Variants in NKAIN2 observed in about 807,000 individuals in gnomAD.
NKAIN2 encodes the protein sodium/potassium-transporting ATPase subunit beta-1-interacting protein 2.
In NKAIN2, 14 loss-of-function variants were observed where a neutral mutation model predicts 32.6. That is an observed-to-expected ratio of 0.43 (90% CI 0.28 to 0.67). NKAIN2 has a LOEUF of 0.67. Among genes scored for constraint, NKAIN2 ranks in the 30% least tolerant of loss-of-function variants. NKAIN2 has a pLI of 0.17. For missense variants in NKAIN2, 198 were observed against 258.3 expected (o/e 0.77, Z 1.60); for synonymous variants, 80 against 87.2 (o/e 0.92, Z 0.46).
chr6:124,663,963 G>A, intron 4 of NKAIN2, among the ~76,000 whole-genome samples: 1 of 152,072 alleles, frequency 6.6e-6, no homozygotes. Context: ...CCTAGAAATT[G>A]AATCGTCCTT....
At chr6:124,764,173 T>A (rs1044792917) in intron 4 of NKAIN2, among the ~76,000 whole-genome samples, 1 of 152,222 alleles carries the variant, frequency 6.6e-6, no homozygotes, top group Admixed American at 6.5e-5. Context: ...AGAAAATAAT[T>A]GCATATTTTA....
At chr6:124,713,527 A>C (rs141449118) in intron 4 of NKAIN2, among the ~76,000 whole-genome samples, 4 of 152,142 alleles carry the variant, frequency 2.6e-5, no homozygotes, top group African/African-American at 9.7e-5. Context: ...ATTCCAAATA[A>C]TGGAGGGGGT....
At chr6:124,235,493 CAGAT>C (rs1456910355) in intron 1 of NKAIN2, among the ~76,000 whole-genome samples, 1 of 151,994 alleles carries the variant, frequency 6.6e-6, no homozygotes, top group African/African-American at 2.4e-5. Context: ...TAACTTATGA[CAGAT>C]GGAGAGCTGC....
At chr6:124,365,532 A>C (rs1255667331) in intron 3 of NKAIN2, among the ~76,000 whole-genome samples, 1 of 151,982 alleles carries the variant, frequency 6.6e-6, no homozygotes, top group Non-Finnish European at 1.5e-5. Context: ...GCTTCAAAGT[A>C]TATGAAGTAA....
intron 1 of NKAIN2, among the ~76,000 whole-genome samples, chr6:123,920,619 CA>C (rs1775708176): frequency 6.6e-6 from 1 of 151,982 alleles, no homozygotes; most frequent in Non-Finnish European, 1.5e-5. Flanking sequence ...TTGTTTTGTC[CA>C]CTATATCACA....
At chr6:123,942,653 T>G (rs1276321534) in intron 1 of NKAIN2, among the ~76,000 whole-genome samples, 1 of 152,022 alleles carries the variant, frequency 6.6e-6, no homozygotes, top group Non-Finnish European at 1.5e-5. Flanking sequence ...ATATTTTTGT[T>G]GGCCAAAGCT....
chr6:124,081,161 T>C (rs1245321331), intron 1 of NKAIN2, among the ~76,000 whole-genome samples: 1 of 152,150 alleles, frequency 6.6e-6, no homozygotes, highest in East Asian at 1.9e-4. Context: ...GATTTTTGTC[T>C]GCCACAGGAA....
intron 1 of NKAIN2, among the ~76,000 whole-genome samples, chr6:123,830,358 C>T (rs958325281): frequency 6.6e-6 from 1 of 152,110 alleles, no homozygotes; most frequent in Non-Finnish European, 1.5e-5. Context: ...TTGCTCTAGG[C>T]GTAAAGGCAA....
At chr6:124,689,020 TAA>T (rs1481029028) in intron 4 of NKAIN2, among the ~76,000 whole-genome samples, 6 of 152,144 alleles carry the variant, frequency 3.9e-5, no homozygotes, top group Non-Finnish European at 8.8e-5. Flanking sequence ...GTTCATTTGG[TAA>T]GAGTGTATTT....
chr6:124,685,815 G>T (rs181360327), intron 4 of NKAIN2, among the ~76,000 whole-genome samples: 2 of 152,260 alleles, frequency 1.3e-5, no homozygotes, highest in African/African-American at 4.8e-5. Context: ...CTTCATGTCT[G>T]TATTAGTTAT....
intron 1 of NKAIN2, among the ~76,000 whole-genome samples, chr6:124,095,764 C>T (rs1019445028): frequency 2.0e-5 from 3 of 152,078 alleles, no homozygotes; most frequent in South Asian, 2.1e-4. Flanking sequence ...TAATATAATA[C>T]GAAGTGATCA....
chr6:123,933,701 G>T (rs1024782066), intron 1 of NKAIN2, among the ~76,000 whole-genome samples: 2 of 152,178 alleles, frequency 1.3e-5, no homozygotes, highest in African/African-American at 4.8e-5. Flanking sequence ...AAGCAATTCT[G>T]GTTCAAGCAG....
intron 3 of NKAIN2, among the ~76,000 whole-genome samples, chr6:124,495,505 T>G (rs1209763730): frequency 6.6e-6 from 1 of 152,008 alleles, no homozygotes; most frequent in East Asian, 1.9e-4. Context: ...AAACTCTCAC[T>G]GAGCAAATAG....
chr6:124,411,602 G>A (rs1421319781), intron 3 of NKAIN2, among the ~76,000 whole-genome samples: 4 of 152,208 alleles, frequency 2.6e-5, no homozygotes, highest in African/African-American at 9.7e-5. Context: ...TTTCTCTCTG[G>A]CTGCCCTTAA....
intron 1 of NKAIN2, among the ~76,000 whole-genome samples, chr6:123,977,971 G>T (rs1778715067): frequency 6.6e-6 from 1 of 152,112 alleles, no homozygotes; most frequent in African/African-American, 2.4e-5. Flanking sequence ...TACAAAGCTA[G>T]ATGAGCATGA....
chr6:124,114,659 A>G (rs1964868), intron 1 of NKAIN2, among the ~76,000 whole-genome samples: 9,734 of 152,100 alleles, frequency 0.064, 762 homozygotes, highest in African/African-American at 0.17. Flanking sequence ...AAGAAACCAG[A>G]AAAAGATTTT....
At position 123,976,348 on chromosome 6, in the gene NKAIN2, C is replaced by CATATATATATATGTTCCCAT. The variant is rs1562287573; in HGVS notation, c.54+172106_54+172107insGTTCCCATATATATATATAT. Among the ~76,000 whole-genome samples, 128 of 13,644 alleles carry CATATATATATATGTTCCCAT rather than the reference C, an allele frequency of 9.4e-3. 3 individuals carry two copies. The highest frequency in any genetic ancestry group is 0.016 in the Non-Finnish European group (103 of 6,582). 9.0% of individuals were successfully genotyped at this position (13,644 alleles called of 152,430 possible). ...ATGTTCCCATATATATATATGTTCCCATATATATATATATATATATTCCCA... is the reference window on the plus strand; with the variant it reads ...ATGTTCCCATATATATATATGTTCCCATATATATATATGTTCCCATATATATATATATATATATATTCCCA... On this transcript the variant is annotated intron_variant, in intron 1 of 6. Coordinates refer to ENST00000368417, the MANE Select transcript of NKAIN2 (RefSeq NM_001040214.3).
intron 1 of NKAIN2, among the ~76,000 whole-genome samples, chr6:123,853,468 A>G (rs985947195): frequency 3.9e-5 from 6 of 152,216 alleles, no homozygotes; most frequent in African/African-American, 7.2e-5. Flanking sequence ...CATTCTACAA[A>G]CATTTATTAT....
intron 1 of NKAIN2, among the ~76,000 whole-genome samples, chr6:123,932,646 T>G (rs1343662690): frequency 6.6e-6 from 1 of 151,994 alleles, no homozygotes; most frequent in African/African-American, 2.4e-5. Flanking sequence ...CCCGATCTCC[T>G]GACCTTGTGA....
Sources: allele counts gnomAD v4.1 joint callset (sites outside exome capture counted in the v4.1 genomes callset), GRCh38; gene constraint gnomAD v4.1.1; transcripts MANE v1.5; gene names NCBI Gene and HGNC (gene_info 2026-07-23, HGNC 2026-07-21).